SSBP2: variants seen among roughly 807,000 people sequenced by gnomAD.
SSBP2 encodes single-stranded DNA-binding protein 2.
In SSBP2, 17 loss-of-function variants were observed where a neutral mutation model predicts 61.8. The ratio of observed to expected loss-of-function variants is 0.28; its 90% CI spans 0.19 to 0.41. SSBP2 has a LOEUF of 0.41. Ranked by LOEUF, SSBP2 falls within the 10% of genes least tolerant of loss-of-function variation. The pLI is 1.00. For synonymous variants in SSBP2, 139 were observed against 141.3 expected (o/e 0.98, Z 0.12); for missense variants, 310 against 458.7 (o/e 0.68, Z 2.96).
intron 9 of SSBP2, among the ~76,000 whole-genome samples, chr5:81,465,365 A>T (rs1764818551): frequency 6.6e-6 from 1 of 152,048 alleles, no homozygotes; most frequent in Admixed American, 6.6e-5. Context: ...TAGTCTCCAT[A>T]GTCTAGGAAA....
intron 8 of SSBP2, among the ~76,000 whole-genome samples, chr5:81,467,406 T>C (rs1764962857): frequency 6.6e-6 from 1 of 152,038 alleles, no homozygotes; most frequent in Non-Finnish European, 1.5e-5. Flanking sequence ...AGTGATTCAA[T>C]GTTTGAAATT....
chr5:81,556,171 T>C (rs1295582566), intron 4 of SSBP2, among the ~76,000 whole-genome samples: 2 of 152,104 alleles, frequency 1.3e-5, no homozygotes, highest in Non-Finnish European at 2.9e-5. Context: ...GTTTCATTTA[T>C]TATCTTTATA....
At chr5:81,749,094 T>C (rs1004014047) in intron 1 of SSBP2, among the ~76,000 whole-genome samples, 3 of 152,326 alleles carry the variant, frequency 2.0e-5, no homozygotes, top group African/African-American at 4.8e-5. Context: ...CATTAAAACA[T>C]CCTCCTTCAG....
At chr5:81,559,812 CA>C (rs1457695946) in intron 4 of SSBP2, among the ~76,000 whole-genome samples, 1 of 151,350 alleles carries the variant, frequency 6.6e-6, no homozygotes, top group Non-Finnish European at 1.5e-5. Context: ...TCTTAAACGT[CA>C]AAAAAACTAA....
intron 4 of SSBP2, among the ~76,000 whole-genome samples, chr5:81,598,793 T>A (rs185913344): frequency 6.6e-6 from 1 of 152,184 alleles, no homozygotes; most frequent in Non-Finnish European, 1.5e-5. Flanking sequence ...TTCTCCCTCA[T>A]ACCTTTTGTT....
intron 1 of SSBP2, among the ~76,000 whole-genome samples, chr5:81,713,747 GA>G (rs1204941542): frequency 7.2e-5 from 11 of 152,046 alleles, no homozygotes; most frequent in African/African-American, 2.7e-4. Context: ...CCTGAAATAG[GA>G]AAGACAGAGA....
intron 1 of SSBP2, among the ~76,000 whole-genome samples, chr5:81,656,355 T>C (rs747471945): frequency 6.6e-5 from 10 of 152,232 alleles, no homozygotes; most frequent in Middle Eastern, 3.4e-3. Context: ...TGGCCAGATA[T>C]ATAAAAATTT....
chr5:81,511,807 C>T (rs2154081793), intron 5 of SSBP2, among the ~76,000 whole-genome samples: 3 of 152,276 alleles, frequency 2.0e-5, no homozygotes, highest in Middle Eastern at 6.8e-3. Flanking sequence ...GTACACACTA[C>T]ACCTGCTAGT....
chr5:81,659,161 G>A (rs1434359431), intron 1 of SSBP2, among the ~76,000 whole-genome samples: 1 of 152,098 alleles, frequency 6.6e-6, no homozygotes, highest in Non-Finnish European at 1.5e-5. Flanking sequence ...GGAAGTTCTG[G>A]CCAGGGCAAT....
chr5:81,495,273 C>T (rs1561468256), intron 5 of SSBP2, among the ~76,000 whole-genome samples: 1 of 152,140 alleles, frequency 6.6e-6, no homozygotes, highest in Non-Finnish European at 1.5e-5. Flanking sequence ...ATTTTAAGCC[C>T]TAACTGCCTT....
chr5:81,504,212 G>A (rs1023283106), intron 5 of SSBP2, among the ~76,000 whole-genome samples: 5 of 152,116 alleles, frequency 3.3e-5, no homozygotes, highest in Non-Finnish European at 7.4e-5. Flanking sequence ...TACCTCCTTG[G>A]TGGTATAATA....
chr5:81,709,718 A>G (rs997183243), intron 1 of SSBP2, among the ~76,000 whole-genome samples: 1 of 151,944 alleles, frequency 6.6e-6, no homozygotes, highest in Non-Finnish European at 1.5e-5. Flanking sequence ...AGAGAATTTT[A>G]AAAATATATC....
intron 4 of SSBP2, among the ~76,000 whole-genome samples, chr5:81,550,878 C>T (rs569822702): frequency 9.2e-5 from 14 of 152,118 alleles, no homozygotes; most frequent in African/African-American, 3.4e-4. Flanking sequence ...AGGTGGATCA[C>T]GAGGTCAGGA....
At chr5:81,431,458 CAT>C (rs202176296) in intron 15 of SSBP2, among the ~76,000 whole-genome samples, 1 of 151,854 alleles carries the variant, frequency 6.6e-6, no homozygotes, top group African/African-American at 2.4e-5. Flanking sequence ...TATTTATATA[CAT>C]ATATATATAC....
Position 81,550,542 on chromosome 5 carries a change from C to A in SSBP2, c.283-36825G>T, listed in dbSNP as rs113598953. Among the ~76,000 whole-genome samples, 739 of 152,266 alleles carry A rather than the reference C, an allele frequency of 4.9e-3. 7 individuals are homozygous for A. Among genetic ancestry groups the A allele is most frequent in the African/African-American group, 0.015 (628 of 41,556 alleles). On this transcript the variant is annotated intron_variant, in intron 4 of 16. Coordinates refer to ENST00000320672, the MANE Select transcript of SSBP2 (RefSeq NM_012446.5). ...CATGAAAAAATTACACTCATCCATTCTTTGACCTTTGTTTTGATTTTGCAC... is the reference window on the plus strand; with the variant it reads ...CATGAAAAAATTACACTCATCCATTATTTGACCTTTGTTTTGATTTTGCAC...
At chr5:81,674,410 C>T (rs1466881992) in intron 1 of SSBP2, among the ~76,000 whole-genome samples, 1 of 152,128 alleles carries the variant, frequency 6.6e-6, no homozygotes, top group African/African-American at 2.4e-5. Flanking sequence ...GACCAATGTT[C>T]CAAAGTTTCC....
At chr5:81,511,500 C>T (rs1480042656) in intron 5 of SSBP2, among the ~76,000 whole-genome samples, 1 of 152,142 alleles carries the variant, frequency 6.6e-6, no homozygotes, top group Non-Finnish European at 1.5e-5. Flanking sequence ...GAACTCCTGC[C>T]TACCCTCCCC....
rs557105147 is a variant in SSBP2, at chr5:81,602,998, C to T, written c.282+12475G>A. Among the ~76,000 whole-genome samples, 9 of 152,272 alleles carry T rather than the reference C, an allele frequency of 5.9e-5. No homozygotes were observed. The East Asian group carries it at 1.7e-3, about 29-fold the overall frequency. ...CAGTCTTTCTACCCACCAGCTGGTC[C>T]CATGCACTTTAGGTTTTGTTACAGC... is the stretch of plus-strand genomic sequence containing the variant. On this transcript the variant is annotated intron_variant, in intron 4 of 16. Transcript: ENST00000320672.
intron 1 of SSBP2, among the ~76,000 whole-genome samples, chr5:81,665,510 T>C (rs1026515242): frequency 3.9e-5 from 6 of 152,208 alleles, no homozygotes; most frequent in Admixed American, 1.3e-4. Context: ...TTCTTTTTAA[T>C]TGAGACAGAG....
Sources: gnomAD v4.1 joint callset for allele counts (sites outside exome capture counted in the v4.1 genomes callset) on GRCh38, gnomAD v4.1.1 for gene constraint, MANE v1.5 for transcripts, NCBI Gene and HGNC (gene_info 2026-07-23, HGNC 2026-07-21) for gene names.